Variants in TRRAP observed in about 807,000 individuals in gnomAD.
TRRAP encodes the protein transformation/transcription domain associated protein.
In TRRAP, 41 loss-of-function variants were observed where a neutral mutation model predicts 438.8. The observed-to-expected ratio is 0.09, with a 90% CI of 0.07 to 0.12. The LOEUF (loss-of-function observed/expected upper bound fraction) is 0.12. Among genes scored for constraint, TRRAP ranks in the 10% least tolerant of loss-of-function variants. The probability of loss-of-function intolerance (pLI) is 1.00; values close to 1 mark genes in which losing one functional copy is unlikely to be tolerated. For missense variants in TRRAP, 3,122 were observed against 5,055.1 expected (o/e 0.62, Z 11.60); for synonymous variants, 1,994 against 1,962.9 (o/e 1.02, Z -0.42).
At chr7:98,949,909 T>C (rs530687683) in intron 37 of TRRAP, 68 bp downstream of exon 37, 17 of 1,579,548 alleles carry the variant, frequency 1.1e-5, no homozygotes, top group African/African-American at 6.7e-5. Flanking sequence ...AGAGCCTCCT[T>C]CTACTCTGTA....
chr7:98,903,274 G>C, intron 11 of TRRAP, 105 bp from the exon 12 acceptor site: 1 of 1,437,782 alleles, frequency 7.0e-7, no homozygotes, highest in Non-Finnish European at 9.4e-7. Flanking sequence ...CACCCACCTC[G>C]GCCTCCCAAA....
intron 13 of TRRAP, among the ~76,000 whole-genome samples, chr7:98,907,165 A>C (rs1796810018): frequency 6.6e-6 from 1 of 152,114 alleles, no homozygotes; most frequent in African/African-American, 2.4e-5. Flanking sequence ...CTCTACTAAA[A>C]ATACAAAATT....
chr7:98,960,395 G>T (rs902660031), intron 45 of TRRAP, among the ~76,000 whole-genome samples: 2 of 152,106 alleles, frequency 1.3e-5, no homozygotes, highest in Admixed American at 1.3e-4. Context: ...AAAACCTATT[G>T]CAAGCACTTG....
chr7:99,008,587 C>G, intron 70 of TRRAP, 26 bp downstream of exon 70: 1 of 1,609,148 alleles, frequency 6.2e-7, no homozygotes, highest in Non-Finnish European at 8.5e-7. Flanking sequence ...GGCCGGGGGC[C>G]GAGCTGCCGC....
At chr7:98,918,120 CAAA>C (rs113483218) in intron 20 of TRRAP, among the ~76,000 whole-genome samples, 21 of 116,224 alleles carry the variant, frequency 1.8e-4, no homozygotes, top group Non-Finnish European at 3.1e-4. Context: ...GACCCTGTCT[CAAA>C]AAAAAAAAAA....
chr7:98,912,168 T>G lies in TRRAP; in HGVS notation c.2154T>G (p.Phe718Leu). The G allele has an allele frequency of 6.2e-7, 1 of 1,614,156 alleles. No individual in the cohort carries two copies. The highest frequency in any genetic ancestry group is 8.5e-7 in the Non-Finnish European group (1 of 1,180,020). ...ACCTCAAGCTGTTCAAGCTGGTCTTTGGCTCTGTCTCCCTCTTTGCAGCTG... is the reference window on the plus strand; with the variant it reads ...ACCTCAAGCTGTTCAAGCTGGTCTTGGGCTCTGTCTCCCTCTTTGCAGCTG... ...NLYLKLFKLV[F>L]GSVSLFAAEN... Residue 718 changes from phenylalanine (F) to leucine (L), a missense_variant, in exon 18 of 73, where the codon TTT (phenylalanine) becomes TTG (leucine). Physicochemically the swap from Phe to Leu is conservative, Grantham distance 22. Coordinates refer to ENST00000456197, the MANE Select transcript of TRRAP (RefSeq NM_001375524.1).
chr7:98,923,302 C>T (rs1789885854), intron 21 of TRRAP, among the ~76,000 whole-genome samples: 1 of 152,060 alleles, frequency 6.6e-6, no homozygotes. Context: ...TCAGGTTTTG[C>T]AGAGGTAGGA....
chr7:99,008,270 C>T, intron 69 of TRRAP, 107 bp from the exon 70 acceptor site: 1 of 1,176,850 alleles, frequency 8.5e-7, no homozygotes, highest in South Asian at 1.4e-5. Flanking sequence ...GCCCCCAAGG[C>T]ATACAGAGCC....
Position 98,908,988 on chromosome 7 carries a change from C to T in TRRAP, c.1350+26C>T, listed in dbSNP as rs1554408064. On this transcript the variant is annotated intron_variant, in intron 14 of 72. Coordinates refer to ENST00000456197, the MANE Select transcript of TRRAP (RefSeq NM_001375524.1). The surrounding 1 kb of genome is among the most constrained non-coding windows in gnomAD (Gnocchi z 4.1). ...GTACCAGCTCTTCTGAGAGTATCAT[C>T]CATCCTGCACTCTATCCTGTTTGTG... 1.9e-6 allele frequency: 3 copies of T among 1,584,558 alleles called. No homozygotes were observed. Among genetic ancestry groups the T allele is most frequent in the South Asian group, 1.1e-5 (1 of 88,792 alleles).
At position 98,930,719 on chromosome 7, in the gene TRRAP, T is replaced by C; in HGVS notation, c.3480T>C (p.Gly1160=). Residue 1160 remains glycine, a synonymous_variant, in exon 25 of 73, where the codon GGT becomes GGC. Transcript: ENST00000456197. The part of the protein sequence containing the change: ...YEQAWYAKLG[G]VVSIKFLMER... ...AGGCGTGGTATGCAAAGCTGGGGGG[T>C]GTGGTGTCTATTAAGTTTCTCATGG... 1 of 1,613,470 alleles carries C rather than the reference T, an allele frequency of 6.2e-7. No individual in the cohort carries two copies. Among genetic ancestry groups the C allele is most frequent in the Non-Finnish European group, 8.5e-7 (1 of 1,179,906 alleles).
chr7:98,880,171 T>A (rs78983696), intron 1 of TRRAP, among the ~76,000 whole-genome samples: 1,758 of 152,040 alleles, frequency 0.012, 20 homozygotes, highest in Middle Eastern at 0.045. Flanking sequence ...CACTTGGGGA[T>A]TTTGATGTCC....
intron 44 of TRRAP, among the ~76,000 whole-genome samples, chr7:98,958,843 G>GAGTT (rs1367309440): frequency 1.3e-5 from 2 of 152,018 alleles, no homozygotes; most frequent in Non-Finnish European, 2.9e-5. Flanking sequence ...TTGATAACTT[G>GAGTT]AGTTTATTTA....
chr7:98,996,165 C>T (rs1307291248), intron 67 of TRRAP, among the ~76,000 whole-genome samples: 4 of 151,970 alleles, frequency 2.6e-5, no homozygotes, highest in African/African-American at 4.8e-5. Flanking sequence ...TTTACACACG[C>T]GTGTCCCCGC....
At chr7:98,977,626 G>A (rs916669161) in intron 56 of TRRAP, among the ~76,000 whole-genome samples, 4 of 152,140 alleles carry the variant, frequency 2.6e-5, no homozygotes, top group Admixed American at 6.5e-5. Flanking sequence ...CCCTCCCGTC[G>A]TTGGTCCTGT....
chr7:98,984,794 A>G (rs775119229), intron 61 of TRRAP, 150 bp from the exon 62 acceptor site: 13 of 528,444 alleles, frequency 2.5e-5, no homozygotes, highest in Middle Eastern at 5.0e-4. Flanking sequence ...ACGTCAATCA[A>G]TAAATATTCA....
chr7:98,994,865 C>T lies in TRRAP; in HGVS notation c.10309+17C>T. The T allele has an allele frequency of 1.2e-6, 2 of 1,606,016 alleles. No individual in the cohort carries two copies. Among genetic ancestry groups the T allele is most frequent in the South Asian group, 1.1e-5 (1 of 90,950 alleles). Reference sequence around the variant, plus strand: ...TCACGACGGGTGAGTCTCCATTTTCCTTCCCTTCCATAGGGAGAATTGTGC... The same window carrying T: ...TCACGACGGGTGAGTCTCCATTTTCTTTCCCTTCCATAGGGAGAATTGTGC... On this transcript the variant is annotated intron_variant, in intron 67 of 72. Coordinates refer to ENST00000456197, the MANE Select transcript of TRRAP (RefSeq NM_001375524.1). The surrounding 1 kb of genome is among the most constrained non-coding windows in gnomAD (Gnocchi z 4.8).
chr7:98,955,009 A>G (rs1791531224), intron 40 of TRRAP, 89 bp from the exon 41 acceptor site: 2 of 1,375,610 alleles, frequency 1.5e-6, no homozygotes, highest in African/African-American at 2.9e-5. Flanking sequence ...TGTTTTGGAA[A>G]AGTAGCATGT....
chr7:99,004,734 T>C (rs1306748454), intron 68 of TRRAP, among the ~76,000 whole-genome samples: 2 of 152,234 alleles, frequency 1.3e-5, no homozygotes, highest in African/African-American at 4.8e-5. Context: ...CAGATGATTG[T>C]AGCATTTCCT....
intron 20 of TRRAP, among the ~76,000 whole-genome samples, chr7:98,921,462 G>A (rs915263608): frequency 6.6e-6 from 1 of 151,838 alleles, no homozygotes; most frequent in Admixed American, 6.6e-5. Context: ...TACAACCTTC[G>A]CCTTCTGGGT....
Sources: gnomAD v4.1 joint callset for allele counts (sites outside exome capture counted in the v4.1 genomes callset) on GRCh38, gnomAD v4.1.1 for gene constraint, Gnocchi (gnomAD v3.1) non-coding constraint, MANE v1.5 for transcripts, NCBI Gene and HGNC (gene_info 2026-07-23, HGNC 2026-07-21) for gene names.